Variants in ATF7IP2 observed in about 807,000 individuals in gnomAD.
ATF7IP2 encodes the protein activating transcription factor 7-interacting protein 2.
In ATF7IP2, 42 loss-of-function variants were observed where a neutral mutation model predicts 64.2. The ratio of observed to expected loss-of-function variants is 0.65; its 90% confidence interval spans 0.51 to 0.85. The LOEUF is 0.85. Ranked by LOEUF, ATF7IP2 falls within the 40% of genes least tolerant of loss-of-function variation. The probability of loss-of-function intolerance (pLI) is 0.00; values close to 1 mark genes in which losing one functional copy is unlikely to be tolerated. For missense variants in ATF7IP2, 933 were observed against 784.2 expected (o/e 1.19, Z -2.27); for synonymous variants, 308 against 272.8 (o/e 1.13, Z -1.27).
intron 8 of ATF7IP2, among the ~76,000 whole-genome samples, chr16:10,444,878 A>C (rs2048750609): frequency 1.3e-5 from 2 of 152,186 alleles, no homozygotes; most frequent in Admixed American, 1.3e-4. Flanking sequence ...TTAATGCCTT[A>C]ACTACATTAT....
chr16:10,433,304 T>A (rs1200120132), intron 5 of ATF7IP2, among the ~76,000 whole-genome samples: 1 of 151,980 alleles, frequency 6.6e-6, no homozygotes, highest in African/African-American at 2.4e-5. Context: ...ACCTCCTGAG[T>A]AGCTGAGACT....
In ATF7IP2 at chr16:10,457,452, T is replaced by C; in HGVS notation, c.1275T>C (p.Tyr425=). 2 of 1,607,592 alleles carry C rather than the reference T, an allele frequency of 1.2e-6. No individual in the cohort carries two copies. Among genetic ancestry groups the C allele is most frequent in the African/African-American group, 1.3e-5 (1 of 74,860 alleles). The part of the protein sequence containing the change: ...NSPIEKSSVN[Y]EPSNPSEKGS... ...CAATTGAAAAGTCTTCTGTGAATTA[T>C]GAGCCTTCTAACCCTTCCGAAAAAG... Residue 425 remains tyrosine, a synonymous_variant, in exon 9 of 14, where the codon TAT becomes TAC. Coordinates refer to ENST00000562102, the MANE Select transcript of ATF7IP2 (RefSeq NM_001393719.1).
intron 1 of ATF7IP2, among the ~76,000 whole-genome samples, chr16:10,400,504 C>G (rs1187085738): frequency 1.3e-5 from 2 of 152,142 alleles, no homozygotes; most frequent in Admixed American, 1.3e-4. Flanking sequence ...ATTGCTGTGG[C>G]CTCCAGGATA....
At chr16:10,448,550 T>G (rs2048884522) in intron 8 of ATF7IP2, 1 of 152,220 alleles carries the variant, frequency 6.6e-6, no homozygotes, top group African/African-American at 2.4e-5. Flanking sequence ...AGTTCACTCA[T>G]GATTTGGTTC....
rs138588090 is a variant in ATF7IP2 at position 10,457,426 on chromosome 16, C to T, written c.1249C>T (p.Pro417Ser). 1 of 1,607,480 alleles carries T rather than the reference C, an allele frequency of 6.2e-7. No individual in the cohort carries two copies. Among genetic ancestry groups the T allele is most frequent in the South Asian group, 1.1e-5 (1 of 89,004 alleles). The change falls in exon 9 of 14, where the codon CCA becomes TCA. Residue 417 changes from proline (P) to serine (S), a missense_variant. Physicochemically the swap from Pro to Ser is moderately conservative, Grantham distance 74. Transcript: ENST00000562102. ...LDKNLESVNSPIEKSSVNYEP... is the reference protein window; with the variant it reads ...LDKNLESVNSSIEKSSVNYEP... ...TAAGAATCTTGAGTCAGTTAATAGT[C>T]CAATTGAAAAGTCTTCTGTGAATTA...
intron 1 of ATF7IP2, among the ~76,000 whole-genome samples, chr16:10,413,040 C>G (rs1031807660): frequency 1.3e-5 from 2 of 152,088 alleles, no homozygotes; most frequent in Non-Finnish European, 2.9e-5. Context: ...TTACCTTAAG[C>G]TTATGTGAGC....
At chr16:10,470,629 T>A (rs9928889) in intron 9 of ATF7IP2, among the ~76,000 whole-genome samples, 47,397 of 151,490 alleles carry the variant, frequency 0.31, 10,434 homozygotes, top group African/African-American at 0.62. Flanking sequence ...AAAATTTTTT[T>A]AAAAAGTTAG....
chr16:10,441,208 C>T (rs190121528), intron 8 of ATF7IP2, among the ~76,000 whole-genome samples: 19 of 152,248 alleles, frequency 1.2e-4, no homozygotes, highest in East Asian at 5.8e-4. Context: ...CTGCAATAAA[C>T]GTACGTGTGC....
chr16:10,438,212 G>A lies in ATF7IP2; in HGVS notation c.1072G>A (p.Glu358Lys), dbSNP rs1415052535. The A allele has an allele frequency of 2.5e-6, 4 of 1,600,322 alleles. No homozygotes were observed. In the African/African-American group the frequency reaches 5.4e-5, roughly 22 times the overall value. Reference sequence around the variant, plus strand: ...GAAGACAGAGTGCAGAAATAAGCATGAAGGAATAGCTGATAAACTTTTGGT... The same window carrying A: ...GAAGACAGAGTGCAGAAATAAGCATAAAGGAATAGCTGATAAACTTTTGGT... ...IGKTECRNKH[E>K]GIADKLLAKI... Residue 358 changes from glutamate to lysine, a missense_variant, in exon 7 of 14, where the codon GAA (glutamate) becomes AAA (lysine). Transcript: ENST00000562102.
intron 9 of ATF7IP2, 166 bp from the exon 10 acceptor site, chr16:10,471,944 T>C (rs374102027): frequency 2.3e-6 from 1 of 434,286 alleles, no homozygotes; most frequent in East Asian, 3.6e-5. Flanking sequence ...TGGTAATAAA[T>C]GGAGTTTTTT....
chr16:10,440,975 C>A (rs192827611), intron 8 of ATF7IP2, among the ~76,000 whole-genome samples: 23 of 152,234 alleles, frequency 1.5e-4, no homozygotes, highest in Non-Finnish European at 2.8e-4. Context: ...TTGTTCAACT[C>A]CCACTTATGA....
chr16:10,412,023 T>TGG (rs1567435145), intron 1 of ATF7IP2, among the ~76,000 whole-genome samples: 2 of 144,856 alleles, frequency 1.4e-5, no homozygotes, highest in African/African-American at 5.0e-5. Context: ...TTTTTTTTTT[T>TGG]TTTTTTTTTT....
At chr16:10,399,753 A>G (rs113231081) in intron 1 of ATF7IP2, among the ~76,000 whole-genome samples, 6 of 152,302 alleles carry the variant, frequency 3.9e-5, no homozygotes, top group African/African-American at 1.2e-4. Flanking sequence ...TAGTGAATGC[A>G]TTGAATTTGT....
At chr16:10,429,776 A>ATTTT (rs61296759) in intron 4 of ATF7IP2, among the ~76,000 whole-genome samples, 2,031 of 125,748 alleles carry the variant, frequency 0.016, 57 homozygotes, top group Admixed American at 0.066. Flanking sequence ...ATTTTATTTT[A>ATTTT]ATTTAATTTA....
intron 1 of ATF7IP2, among the ~76,000 whole-genome samples, chr16:10,392,806 T>G (rs938517140): frequency 6.7e-6 from 1 of 150,212 alleles, no homozygotes; most frequent in Non-Finnish European, 1.5e-5. Context: ...CTGGGCAACA[T>G]AGTGAGACTC....
Position 10,457,538 on chromosome 16 carries a change from T to C in ATF7IP2, c.1352+9T>C. ...AAGTCTGTTTCTGAAAGGTAGGTGT[T>C]TCTGCAAAAATGCATAAATTTATCT... On this transcript the variant is annotated intron_variant, in intron 9 of 13. Transcript: ENST00000562102. 2 of 1,540,786 alleles carry C rather than the reference T, an allele frequency of 1.3e-6. No individual in the cohort carries two copies. The highest frequency in any genetic ancestry group is 1.7e-6 in the Non-Finnish European group (2 of 1,148,628).
At chr16:10,411,784 C>T (rs550857004) in intron 1 of ATF7IP2, among the ~76,000 whole-genome samples, 3 of 152,034 alleles carry the variant, frequency 2.0e-5, no homozygotes, top group South Asian at 2.1e-4. Flanking sequence ...GGAATTTATC[C>T]ATCTCCTCTA....
chr16:10,434,327 G>A (rs569392024), intron 6 of ATF7IP2, among the ~76,000 whole-genome samples: 4 of 152,212 alleles, frequency 2.6e-5, no homozygotes, highest in African/African-American at 9.6e-5. Context: ...TGATGACCAT[G>A]TTTTCCTATT....
rs111883068 is a variant in ATF7IP2 at position 10,412,995 on chromosome 16, A to G, written c.-241-1579A>G. Among the ~76,000 whole-genome samples, 246 of 152,060 alleles carry G rather than the reference A, an allele frequency of 1.6e-3. 1 individual carries two copies. Among genetic ancestry groups the G allele is most frequent in the African/African-American group, 5.6e-3 (231 of 41,482 alleles). ...GAATAGCTACTCCTGCTTGCTTTTG[A>G]TATTCATTTGCATAGAATGTCTTTT... On this transcript the variant is annotated intron_variant, in intron 1 of 13. Transcript: ENST00000562102.
Sources: gnomAD v4.1 joint callset for allele counts (sites outside exome capture counted in the v4.1 genomes callset) on GRCh38, gnomAD v4.1.1 for gene constraint, MANE v1.5 for transcripts, NCBI Gene and HGNC (gene_info 2026-07-23, HGNC 2026-07-21) for gene names.